ZNF512: variants seen among roughly 807,000 people sequenced by gnomAD.
The protein encoded by ZNF512 is zinc finger protein 512.
In ZNF512, 25 loss-of-function variants were observed where a neutral mutation model predicts 77.5. The observed-to-expected ratio is 0.32, with a 90% CI of 0.23 to 0.45. The LOEUF (loss-of-function observed/expected upper bound fraction) is 0.45, where lower values mean the gene tolerates loss of function less well. Among genes scored for constraint, ZNF512 ranks in the 20% least tolerant of loss-of-function variants. ZNF512 has a pLI of 1.00. For synonymous variants in ZNF512, 246 were observed against 239.9 expected, an observed-to-expected ratio of 1.03 and a Z score of -0.24; for missense variants, 483 against 692.6, an observed-to-expected ratio of 0.70 and a Z score of 3.40.
Position 27,621,622 on chromosome 2 carries a change from C to T in ZNF512, c.*161C>T, listed in dbSNP as rs1572941544. 1.4e-6 allele frequency: 1 copy of T among 719,268 alleles called. No homozygotes were observed. Among genetic ancestry groups the T allele is most frequent in the Non-Finnish European group, 2.2e-6 (1 of 456,520 alleles). 44.6% of individuals were successfully genotyped at this position (719,268 alleles called of 1,614,324 possible). A position where few individuals can be genotyped will look rare whatever the true frequency, so the allele number is the denominator to read the frequency against. On this transcript the variant is annotated 3_prime_UTR_variant, in exon 14 of 14. Transcript: ENST00000355467. Reference sequence around the variant, plus strand: ...TAAATTTCACTGTCTTCCCTTCTTACATTTTGATTCCCCCCTCCCCTTTTA... The same window carrying T: ...TAAATTTCACTGTCTTCCCTTCTTATATTTTGATTCCCCCCTCCCCTTTTA...
chr2:27,603,833 A>G (rs1197961407), intron 9 of ZNF512, among the ~76,000 whole-genome samples: 1 of 151,812 alleles, frequency 6.6e-6, no homozygotes, highest in Non-Finnish European at 1.5e-5. Context: ...CCTGGCCTCA[A>G]GTGATCCTCT....
chr2:27,592,442 A>C (rs1221504576), intron 2 of ZNF512, among the ~76,000 whole-genome samples: 1 of 151,700 alleles, frequency 6.6e-6, no homozygotes, highest in African/African-American at 2.4e-5. Flanking sequence ...CAGCCTCCCA[A>C]GTAGCTGGGA....
intron 2 of ZNF512, among the ~76,000 whole-genome samples, chr2:27,586,839 C>T (rs1051991263): frequency 1.3e-5 from 2 of 152,170 alleles, no homozygotes; most frequent in Admixed American, 6.6e-5. Flanking sequence ...TAAATGAAGT[C>T]ACACAGTATG....
Position 27,615,272 on chromosome 2 carries a change from G to T in ZNF512, c.1233+3G>T. 1.3e-6 allele frequency: 2 copies of T among 1,558,932 alleles called. No homozygotes were observed. Among genetic ancestry groups the T allele is most frequent in the South Asian group, 1.2e-5 (1 of 83,222 alleles). ...ATCGTATTCAGTGTCCTAACCAGGTGGTTCTTTCTCATTCATTTATTCAGT... is the reference window on the plus strand; with the variant it reads ...ATCGTATTCAGTGTCCTAACCAGGTTGTTCTTTCTCATTCATTTATTCAGT... On this transcript the variant is annotated splice_donor_region_variant and intron_variant, in intron 11 of 13. Coordinates refer to ENST00000355467, the MANE Select transcript of ZNF512 (RefSeq NM_032434.4).
intron 2 of ZNF512, among the ~76,000 whole-genome samples, chr2:27,587,402 G>C (rs1358538477): frequency 6.6e-6 from 1 of 151,008 alleles, no homozygotes; most frequent in Non-Finnish European, 1.5e-5. Flanking sequence ...TTAGCCTCCT[G>C]AGTAGCTGGG....
chr2:27,596,567 G>A (rs1170827198), intron 2 of ZNF512, among the ~76,000 whole-genome samples: 1 of 152,144 alleles, frequency 6.6e-6, no homozygotes, highest in African/African-American at 2.4e-5. Flanking sequence ...TTACTTGAGG[G>A]AAAAAGACAG....
intron 13 of ZNF512, among the ~76,000 whole-genome samples, chr2:27,617,950 CTT>C (rs34050504): frequency 1.4e-4 from 18 of 128,224 alleles, no homozygotes; most frequent in Non-Finnish European, 1.3e-4. Context: ...TCCTTGAACT[CTT>C]TTTTTTTTTT....
intron 9 of ZNF512, among the ~76,000 whole-genome samples, chr2:27,607,470 C>T (rs1200903091): frequency 3.9e-5 from 6 of 151,928 alleles, no homozygotes; most frequent in African/African-American, 4.8e-5. Flanking sequence ...CTGGTTCAAG[C>T]GATTCTTCTG....
At chr2:27,602,676 G>T in intron 8 of ZNF512, 115 bp downstream of exon 8, 8 of 807,478 alleles carry the variant, frequency 9.9e-6, no homozygotes, top group South Asian at 5.1e-5. Flanking sequence ...GTACTATCTT[G>T]GTCTCTTGAA....
chr2:27,615,308 C>G (rs755022074), intron 11 of ZNF512, 39 bp downstream of exon 11: 3 of 1,315,960 alleles, frequency 2.3e-6, no homozygotes, highest in Non-Finnish European at 3.2e-6. Flanking sequence ...AAATGTTTAT[C>G]AAGCATCTGC....
intron 2 of ZNF512, among the ~76,000 whole-genome samples, chr2:27,593,489 G>A (rs1476612009): frequency 1.3e-5 from 2 of 152,046 alleles, no homozygotes; most frequent in Non-Finnish European, 2.9e-5. Flanking sequence ...GTATGATGGT[G>A]TGCACCTGTG....
chr2:27,603,899 A>G (rs1231631137), intron 9 of ZNF512, among the ~76,000 whole-genome samples: 4 of 146,358 alleles, frequency 2.7e-5, no homozygotes, highest in Non-Finnish European at 3.0e-5. Flanking sequence ...TGCTCAGCCC[A>G]TTATTTAATT....
At chr2:27,597,146 A>ATGTC (rs1418809532) in intron 2 of ZNF512, among the ~76,000 whole-genome samples, 1 of 152,186 alleles carries the variant, frequency 6.6e-6, no homozygotes, top group Non-Finnish European at 1.5e-5. Flanking sequence ...CAACTCCCTG[A>ATGTC]TGTCATAAGC....
chr2:27,602,326 C>T, intron 7 of ZNF512, 137 bp from the exon 8 acceptor site: 2 of 692,918 alleles, frequency 2.9e-6, no homozygotes, highest in Non-Finnish European at 4.8e-6. Context: ...TGGAGAACAC[C>T]AGGAGTCAGA....
chr2:27,600,871 T>G, intron 6 of ZNF512, 56 bp downstream of exon 6: 1 of 1,588,140 alleles, frequency 6.3e-7, no homozygotes, highest in Non-Finnish European at 8.6e-7. Flanking sequence ...AACTTTAGAC[T>G]TCTTTTGCTA....
intron 9 of ZNF512, among the ~76,000 whole-genome samples, chr2:27,604,383 C>A (rs1489468848): frequency 6.6e-6 from 1 of 151,286 alleles, no homozygotes; most frequent in East Asian, 2.0e-4. Flanking sequence ...TTTTTAGAGT[C>A]ATTTGTTAAG....
At chr2:27,593,238 ACACACAC>A (rs1671680310) in intron 2 of ZNF512, among the ~76,000 whole-genome samples, 5 of 148,152 alleles carry the variant, frequency 3.4e-5, no homozygotes, top group South Asian at 2.1e-4. Context: ...ACACACACAC[ACACACAC>A]AAAAGAATGA....
chr2:27,618,331 T>C (rs964866250), intron 13 of ZNF512, among the ~76,000 whole-genome samples: 2 of 152,250 alleles, frequency 1.3e-5, no homozygotes, highest in African/African-American at 2.4e-5. Flanking sequence ...TCATGCCTTC[T>C]AGCATTCTAA....
intron 10 of ZNF512, 87 bp downstream of exon 10, chr2:27,608,126 G>A: frequency 8.3e-7 from 1 of 1,200,278 alleles, no homozygotes; most frequent in Admixed American, 3.1e-5. Context: ...ACTTGAGGAA[G>A]TACGTGATAG....
Sources: allele counts gnomAD v4.1 joint callset (sites outside exome capture counted in the v4.1 genomes callset), GRCh38; gene constraint gnomAD v4.1.1; transcripts MANE v1.5; gene names NCBI Gene and HGNC (gene_info 2026-07-23, HGNC 2026-07-21).